Variants in HCN1 observed in about 807,000 individuals in gnomAD.
HCN1 encodes the protein potassium/sodium hyperpolarization-activated cyclic nucleotide-gated channel 1.
Under a neutral mutation model 78.9 loss-of-function variants are expected in HCN1, and 13 were observed. The observed-to-expected ratio is 0.16, with a 90% CI of 0.11 to 0.26. The LOEUF is 0.26. Ranked by LOEUF, HCN1 falls within the 10% of genes least tolerant of loss-of-function variation. The probability of loss-of-function intolerance (pLI) is 1.00; values close to 1 mark genes in which losing one functional copy is unlikely to be tolerated. For missense variants in HCN1, 810 were observed against 1,154.3 expected (o/e 0.70, Z 4.32); for synonymous variants, 552 against 455.5 (o/e 1.21, Z -2.70).
intron 2 of HCN1, among the ~76,000 whole-genome samples, chr5:45,517,790 T>C (rs1029256393): frequency 1.3e-5 from 2 of 151,856 alleles, no homozygotes; most frequent in African/African-American, 2.4e-5. Context: ...AACCTGAAAA[T>C]TGTGGCAAAG....
chr5:45,497,899 T>C (rs1009304961), intron 2 of HCN1, among the ~76,000 whole-genome samples: 11 of 152,232 alleles, frequency 7.2e-5, no homozygotes, highest in African/African-American at 2.4e-4. Context: ...TCTTTAAGAA[T>C]GTTGAATATT....
chr5:45,358,572 C>T (rs914552749), intron 4 of HCN1, among the ~76,000 whole-genome samples: 4 of 152,086 alleles, frequency 2.6e-5, no homozygotes, highest in African/African-American at 9.7e-5. Flanking sequence ...CTTCCTCCAA[C>T]TCTAACTCAT....
rs1017405628 is a variant in HCN1, at chr5:45,499,478, G to A, written c.850-37471C>T. ...ACGGTGCGTGGACCCACTGACCTGCGCCCACTGTCTGGCACTCCCTAGTGA... is the reference window on the plus strand; with the variant it reads ...ACGGTGCGTGGACCCACTGACCTGCACCCACTGTCTGGCACTCCCTAGTGA... On this transcript the variant is annotated intron_variant, in intron 2 of 7. Transcript: ENST00000303230. Among the ~76,000 whole-genome samples, 5 of 152,110 alleles carry A rather than the reference G, an allele frequency of 3.3e-5. No individual in the cohort carries two copies. The East Asian group carries it at 9.7e-4, about 29-fold the overall frequency.
intron 3 of HCN1, among the ~76,000 whole-genome samples, chr5:45,456,457 G>T (rs1302990838): frequency 1.3e-5 from 2 of 151,954 alleles, no homozygotes; most frequent in African/African-American, 4.8e-5. Flanking sequence ...CCAATTGTCT[G>T]CACTGTAGAA....
intron 4 of HCN1, among the ~76,000 whole-genome samples, chr5:45,368,587 A>G (rs1487922803): frequency 2.0e-5 from 3 of 151,922 alleles, no homozygotes; most frequent in Non-Finnish European, 4.4e-5. Flanking sequence ...TCTAGGCTAG[A>G]CTACTCCATT....
At chr5:45,523,118 T>C (rs1436112692) in intron 2 of HCN1, among the ~76,000 whole-genome samples, 1 of 152,026 alleles carries the variant, frequency 6.6e-6, no homozygotes, top group Non-Finnish European at 1.5e-5. Flanking sequence ...GTTTGGTTTT[T>C]TGTCCTTGTG....
At chr5:45,531,693 T>C (rs1265597088) in intron 2 of HCN1, among the ~76,000 whole-genome samples, 1 of 152,198 alleles carries the variant, frequency 6.6e-6, no homozygotes, top group Non-Finnish European at 1.5e-5. Context: ...AATTTTTGTC[T>C]TGTAGTTTAC....
At chr5:45,427,285 GA>G (rs1196911314) in intron 3 of HCN1, among the ~76,000 whole-genome samples, 14 of 147,674 alleles carry the variant, frequency 9.5e-5, no homozygotes, top group African/African-American at 2.2e-4. Flanking sequence ...AAGCAAAACA[GA>G]AAAAAAAAAT....
chr5:45,342,270 G>A (rs1398467391), intron 5 of HCN1, among the ~76,000 whole-genome samples: 2 of 134,302 alleles, frequency 1.5e-5, no homozygotes, highest in African/African-American at 2.8e-5. Context: ...GTTTTGCTCT[G>A]TCACTGAGGC....
In HCN1 at chr5:45,524,655, G is replaced by GT. The variant is rs757850574; in HGVS notation, c.850-62649dup. Among the ~76,000 whole-genome samples, 381 of 152,118 alleles carry GT rather than the reference G, an allele frequency of 2.5e-3. 1 individual carries two copies. Among genetic ancestry groups the GT allele is most frequent in the Non-Finnish European group, 4.6e-3 (310 of 67,972 alleles). ...GCGTTCACTCATGATTTGGCTCTCT[G>GT]TTTGTCTGTTATTGGTGTATAAGAA... is the stretch of plus-strand genomic sequence containing the variant. On this transcript the variant is annotated intron_variant, in intron 2 of 7. Coordinates refer to ENST00000303230, the MANE Select transcript of HCN1 (RefSeq NM_021072.4).
chr5:45,280,723 A>T (rs1745140452), intron 6 of HCN1, among the ~76,000 whole-genome samples: 1 of 152,228 alleles, frequency 6.6e-6, no homozygotes, highest in African/African-American at 2.4e-5. Flanking sequence ...TATTTACAAC[A>T]GAAGCTTAAA....
intron 1 of HCN1, among the ~76,000 whole-genome samples, chr5:45,690,087 C>T (rs1343498159): frequency 6.6e-6 from 1 of 151,982 alleles, no homozygotes; most frequent in Non-Finnish European, 1.5e-5. Flanking sequence ...TTTGTTGCAG[C>T]ACTTTTTAAA....
intron 2 of HCN1, among the ~76,000 whole-genome samples, chr5:45,536,697 T>C (rs1444994318): frequency 6.6e-6 from 1 of 152,168 alleles, no homozygotes; most frequent in African/African-American, 2.4e-5. Flanking sequence ...TTTTCTTGAG[T>C]ATAGGTTAAT....
At chr5:45,692,044 T>C (rs111893704) in intron 1 of HCN1, among the ~76,000 whole-genome samples, 4 of 152,158 alleles carry the variant, frequency 2.6e-5, no homozygotes, top group Admixed American at 6.5e-5. Context: ...GCAATACATA[T>C]GGAAAGGAGC....
At chr5:45,593,540 G>A in intron 2 of HCN1, among the ~76,000 whole-genome samples, 1 of 151,986 alleles carries the variant, frequency 6.6e-6, no homozygotes. Context: ...TTAAGAGACA[G>A]ACAAGGAACC....
At chr5:45,264,202 C>T (rs553837961) in intron 7 of HCN1, among the ~76,000 whole-genome samples, 4 of 152,310 alleles carry the variant, frequency 2.6e-5, no homozygotes, top group East Asian at 3.9e-4. Context: ...AGGCTCTCAG[C>T]TCCCTCTAAG....
chr5:45,670,395 C>A (rs1746127430), intron 1 of HCN1, among the ~76,000 whole-genome samples: 1 of 151,692 alleles, frequency 6.6e-6, no homozygotes. Flanking sequence ...TTAATTCCAA[C>A]TTCTGGCCCT....
chr5:45,316,198 C>T (rs1040896088), intron 5 of HCN1, among the ~76,000 whole-genome samples: 3 of 152,270 alleles, frequency 2.0e-5, no homozygotes, highest in African/African-American at 2.4e-5. Flanking sequence ...AGCAGCACAT[C>T]TAAAAGGTTA....
intron 2 of HCN1, among the ~76,000 whole-genome samples, chr5:45,589,184 G>A (rs1412908035): frequency 6.6e-6 from 1 of 152,190 alleles, no homozygotes; most frequent in Admixed American, 6.5e-5. Flanking sequence ...AGCCTCAGAA[G>A]CTGTTTTCAG....
Sources: allele counts gnomAD v4.1 joint callset (sites outside exome capture counted in the v4.1 genomes callset), GRCh38; gene constraint gnomAD v4.1.1; transcripts MANE v1.5; gene names NCBI Gene and HGNC (gene_info 2026-07-23, HGNC 2026-07-21).